PALLD: variants seen among roughly 807,000 people sequenced by gnomAD.
PALLD encodes palladin, cytoskeletal associated protein.
A neutral mutation model predicts 123.5 loss-of-function variants in PALLD; 61 were observed. The observed-to-expected ratio is 0.49, with a 90% confidence interval of 0.40 to 0.61. The LOEUF (loss-of-function observed/expected upper bound fraction) is 0.61. Among genes scored for constraint, PALLD ranks in the 20% least tolerant of loss-of-function variants. The pLI, the probability that PALLD is intolerant of heterozygous loss-of-function variation, is 0.00. For missense variants in PALLD, 1,273 were observed against 1,377.0 expected (o/e 0.92, Z 1.20); for synonymous variants, 465 against 496.4 (o/e 0.94, Z 0.84).
At chr4:168,821,891 A>G (rs942414799) in intron 10 of PALLD, among the ~76,000 whole-genome samples, 2 of 151,890 alleles carry the variant, frequency 1.3e-5, no homozygotes, top group Non-Finnish European at 2.9e-5. Context: ...AAAAAAAAAA[A>G]AAAAAAAAAA....
At chr4:168,846,165 G>A (rs578032158) in intron 10 of PALLD, among the ~76,000 whole-genome samples, 60 of 152,250 alleles carry the variant, frequency 3.9e-4, no homozygotes, top group African/African-American at 8.4e-4. Flanking sequence ...CCCACTGCAC[G>A]CTTTACTATT....
chr4:168,514,060 C>T (rs1762772645), intron 2 of PALLD, among the ~76,000 whole-genome samples: 1 of 151,744 alleles, frequency 6.6e-6, no homozygotes, highest in Admixed American at 6.6e-5. Context: ...GAGCCAAGAT[C>T]ATATCACTGT....
chr4:168,923,806 TCATGGCAAA>T (rs1328098010), intron 18 of PALLD, among the ~76,000 whole-genome samples: 1 of 152,186 alleles, frequency 6.6e-6, no homozygotes. Context: ...TTCAGAATAT[TCATGGCAAA>T]CATGGCAAAC....
Position 168,789,620 on chromosome 4 carries a change from G to A in PALLD, c.1964+77697G>A, listed in dbSNP as rs150771110. On this transcript the variant is annotated intron_variant, in intron 10 of 21. Transcript: ENST00000505667. ...CTTGGGAGGCTGAGGCAGGAGAATC[G>A]CTTGAACCAGGAGGCAGAGGTTGCA... Among the ~76,000 whole-genome samples the A allele has an allele frequency of 4.2e-3, 630 of 151,072 alleles. 3 individuals are homozygous for A. The highest frequency in any genetic ancestry group is 0.029 in the East Asian group (149 of 5,094).
intron 2 of PALLD, among the ~76,000 whole-genome samples, chr4:168,650,909 A>G (rs1777974943): frequency 6.6e-6 from 1 of 152,148 alleles, no homozygotes; most frequent in South Asian, 2.1e-4. Context: ...TAAAATATGT[A>G]CAATCTGATG....
intron 10 of PALLD, among the ~76,000 whole-genome samples, chr4:168,858,990 G>T (rs140642357): frequency 4.1e-4 from 62 of 152,244 alleles, no homozygotes; most frequent in African/African-American, 1.4e-3. Context: ...TATCATTTTT[G>T]TACTTTTGCA....
intron 10 of PALLD, among the ~76,000 whole-genome samples, chr4:168,762,228 C>A (rs1733045719): frequency 6.6e-6 from 1 of 152,116 alleles, no homozygotes; most frequent in Non-Finnish European, 1.5e-5. Flanking sequence ...AATCTCAGCA[C>A]TTTGGGAGCC....
In PALLD at chr4:168,922,085, TTATATA is replaced by T. The variant is rs149658107; in HGVS notation, c.3058+357_3058+362del. Among the ~76,000 whole-genome samples the T allele has an allele frequency of 5.8e-3, 775 of 134,310 alleles. 16 individuals carry two copies. The highest frequency in any genetic ancestry group is 0.02 in the African/African-American group (723 of 35,624). The allele number at this position is 134,310 out of a possible 152,430, so 88.1% of individuals were successfully genotyped here. A position where few individuals can be genotyped will look rare whatever the true frequency, so the allele number is the denominator to read the frequency against. On this transcript the variant is annotated intron_variant, in intron 18 of 21. Transcript: ENST00000505667. ...TTTGCTTATATATAAAGTTTTATAT[TTATATA>T]TATATATATATACACACACACACAC...
intron 10 of PALLD, among the ~76,000 whole-genome samples, chr4:168,787,880 CACTTAT>C (rs1736970163): frequency 6.6e-6 from 1 of 152,202 alleles, no homozygotes; most frequent in South Asian, 2.1e-4. Flanking sequence ...CAACATTACA[CACTTAT>C]GTATGTTTAT....
At chr4:168,870,804 C>T (rs558155871) in intron 10 of PALLD, among the ~76,000 whole-genome samples, 2 of 152,324 alleles carry the variant, frequency 1.3e-5, no homozygotes, top group South Asian at 4.1e-4. Context: ...GAACGTTTCT[C>T]TACTGGGCTG....
chr4:168,657,531 T>G (rs1185901462), intron 2 of PALLD, among the ~76,000 whole-genome samples: 6 of 152,270 alleles, frequency 3.9e-5, no homozygotes, highest in Admixed American at 3.9e-4. Flanking sequence ...AAGAAGAAAT[T>G]ATTTAGGCAG....
At chr4:168,824,214 C>T (rs1743109384) in intron 10 of PALLD, among the ~76,000 whole-genome samples, 2 of 152,188 alleles carry the variant, frequency 1.3e-5, no homozygotes, top group African/African-American at 4.8e-5. Flanking sequence ...TTTTCACTTG[C>T]ATTGAAAACT....
At chr4:168,567,926 G>A (rs956881747) in intron 2 of PALLD, among the ~76,000 whole-genome samples, 5 of 151,874 alleles carry the variant, frequency 3.3e-5, no homozygotes, top group Non-Finnish European at 7.4e-5. Context: ...AACTACATTT[G>A]TATCCCCTAA....
chr4:168,830,270 G>A (rs1415040787), intron 10 of PALLD, among the ~76,000 whole-genome samples: 2 of 151,308 alleles, frequency 1.3e-5, no homozygotes, highest in African/African-American at 4.9e-5. Flanking sequence ...GGCTGAGTGC[G>A]GTGGTCACGC....
intron 18 of PALLD, among the ~76,000 whole-genome samples, chr4:168,922,163 C>G (rs1761718213): frequency 1.3e-5 from 2 of 151,254 alleles, no homozygotes; most frequent in Non-Finnish European, 2.9e-5. Context: ...TAAAACAACA[C>G]TGTCATCTAC....
intron 2 of PALLD, among the ~76,000 whole-genome samples, chr4:168,556,256 C>T (rs1425960976): frequency 1.3e-5 from 2 of 152,020 alleles, no homozygotes; most frequent in African/African-American, 4.8e-5. Context: ...CCACCACGCC[C>T]GGCTAATTTT....
At chr4:168,563,896 T>A (rs550055799) in intron 2 of PALLD, among the ~76,000 whole-genome samples, 26 of 152,262 alleles carry the variant, frequency 1.7e-4, no homozygotes, top group African/African-American at 6.3e-4. Flanking sequence ...GGGGTACAAG[T>A]GTAATTTTGT....
At chr4:168,919,428 G>A (rs1250511664) in intron 17 of PALLD, among the ~76,000 whole-genome samples, 1 of 151,954 alleles carries the variant, frequency 6.6e-6, no homozygotes, top group Non-Finnish European at 1.5e-5. Flanking sequence ...AGGAGGCTGA[G>A]GCAAGAGAAT....
At chr4:168,907,525 C>T (rs1432956637) in intron 15 of PALLD, among the ~76,000 whole-genome samples, 3 of 152,158 alleles carry the variant, frequency 2.0e-5, no homozygotes, top group East Asian at 3.9e-4. Context: ...AGCTAGAGGA[C>T]GGCCACACCC....
Sources: allele counts gnomAD v4.1 joint callset (sites outside exome capture counted in the v4.1 genomes callset), GRCh38; gene constraint gnomAD v4.1.1; transcripts MANE v1.5; gene names NCBI Gene and HGNC (gene_info 2026-07-23, HGNC 2026-07-21).